Variants in LRMDA observed in about 807,000 individuals in gnomAD.
LRMDA encodes the protein leucine rich melanocyte differentiation associated.
Under a neutral mutation model 29.8 loss-of-function variants are expected in LRMDA, and 18 were observed. The observed-to-expected ratio is 0.60, with a 90% CI of 0.42 to 0.90. LRMDA has a LOEUF of 0.90. LRMDA is among the 40% of genes least tolerant of loss of function. The pLI is 0.00. For synonymous variants in LRMDA, 125 were observed against 109.4 expected, an observed-to-expected ratio of 1.14 and a Z score of -0.89; for missense variants, 273 against 273.9, an observed-to-expected ratio of 1.00 and a Z score of 0.02.
chr10:75,438,497 A>G lies in LRMDA; in HGVS notation c.131+3A>G. 6.5e-7 allele frequency: 1 copy of G among 1,550,080 alleles called. No homozygotes were observed. The highest frequency in any genetic ancestry group is 1.2e-5 in the South Asian group (1 of 84,050). On this transcript the variant is annotated splice_donor_region_variant and intron_variant, in intron 2 of 6. Transcript: ENST00000611255. ...GATCTGAGCTTTAACCTTCTGAGGT[A>G]TGTAACCTTCACAAGATGTAGGCCA...
At chr10:76,039,729 G>A (rs1029864919) in intron 3 of LRMDA, among the ~76,000 whole-genome samples, 4 of 152,208 alleles carry the variant, frequency 2.6e-5, no homozygotes, top group Non-Finnish European at 4.4e-5. Context: ...ACATCTCTAT[G>A]TTTTGGTTTC....
intron 2 of LRMDA, among the ~76,000 whole-genome samples, chr10:75,720,148 A>G (rs1382959731): frequency 6.6e-6 from 1 of 152,228 alleles, no homozygotes; most frequent in East Asian, 1.9e-4. Context: ...TATTGAGTCT[A>G]TGTCTTACAT....
At chr10:76,160,440 A>G (rs1417168088) in intron 5 of LRMDA, among the ~76,000 whole-genome samples, 1 of 152,094 alleles carries the variant, frequency 6.6e-6, no homozygotes, top group Admixed American at 6.6e-5. Flanking sequence ...GTTATATTTA[A>G]AATTTTTTTT....
chr10:76,242,038 T>A (rs1472162542), intron 5 of LRMDA: 1 of 152,238 alleles, frequency 6.6e-6, no homozygotes, highest in Non-Finnish European at 1.5e-5. Context: ...AGAGTATTGT[T>A]ATGTTGCCCA....
chr10:75,536,453 C>T (rs992175551), intron 2 of LRMDA, among the ~76,000 whole-genome samples: 1 of 152,184 alleles, frequency 6.6e-6, no homozygotes, highest in Non-Finnish European at 1.5e-5. Flanking sequence ...ACACAGCTCA[C>T]ATGACTCTAC....
At chr10:76,555,533 A>G (rs1239051212) in intron 6 of LRMDA, among the ~76,000 whole-genome samples, 1 of 152,172 alleles carries the variant, frequency 6.6e-6, no homozygotes, top group Non-Finnish European at 1.5e-5. Context: ...GCCAACTCTG[A>G]TAGACTATTT....
At chr10:76,527,255 T>G (rs576020711) in intron 6 of LRMDA, among the ~76,000 whole-genome samples, 2 of 152,216 alleles carry the variant, frequency 1.3e-5, no homozygotes, top group Admixed American at 6.5e-5. Context: ...AACAGTTGGG[T>G]CTGCCTCTTT....
intron 6 of LRMDA, among the ~76,000 whole-genome samples, chr10:76,539,668 T>C (rs1331729393): frequency 2.0e-5 from 3 of 152,192 alleles, no homozygotes; most frequent in Non-Finnish European, 4.4e-5. Flanking sequence ...CCATCTTTCC[T>C]GACCTCCTTC....
intron 2 of LRMDA, among the ~76,000 whole-genome samples, chr10:75,847,327 TAAC>T (rs1197630464): frequency 6.6e-6 from 1 of 152,226 alleles, no homozygotes; most frequent in Admixed American, 6.5e-5. Context: ...AGTTGGGTCC[TAAC>T]TTCATATTAT....
chr10:76,177,149 C>T (rs570922980), intron 5 of LRMDA, among the ~76,000 whole-genome samples: 3 of 152,284 alleles, frequency 2.0e-5, no homozygotes, highest in African/African-American at 7.2e-5. Flanking sequence ...CATGCAGTGT[C>T]GCCATCCCAG....
At chr10:75,445,413 G>A (rs1300251679) in intron 2 of LRMDA, among the ~76,000 whole-genome samples, 1 of 152,016 alleles carries the variant, frequency 6.6e-6, no homozygotes, top group African/African-American at 2.4e-5. Flanking sequence ...GACAAAATAG[G>A]GCAGCTTTGG....
At chr10:75,629,651 A>G (rs147051747) in intron 2 of LRMDA, among the ~76,000 whole-genome samples, 11 of 152,266 alleles carry the variant, frequency 7.2e-5, no homozygotes, top group African/African-American at 2.2e-4. Context: ...AAGTTCTGAT[A>G]TTACAGTAAT....
chr10:76,380,836 T>C (rs1182712423), intron 6 of LRMDA, among the ~76,000 whole-genome samples: 2 of 151,914 alleles, frequency 1.3e-5, no homozygotes, highest in Non-Finnish European at 2.9e-5. Context: ...GTCCTACTAT[T>C]AATTAATGTT....
intron 2 of LRMDA, among the ~76,000 whole-genome samples, chr10:75,703,419 T>C (rs1431263020): frequency 6.6e-6 from 1 of 152,232 alleles, no homozygotes; most frequent in Non-Finnish European, 1.5e-5. Context: ...GTGTGGGCTG[T>C]AATTAGTGGT....
At chr10:76,554,847 G>C (rs1441486430) in intron 6 of LRMDA, among the ~76,000 whole-genome samples, 6 of 145,418 alleles carry the variant, frequency 4.1e-5, no homozygotes, top group Non-Finnish European at 9.0e-5. Flanking sequence ...GAGTTTACTG[G>C]AGAGAGGGCA....
intron 2 of LRMDA, chr10:75,783,168 C>T: frequency 9.2e-7 from 1 of 1,083,582 alleles, no homozygotes; most frequent in Non-Finnish European, 1.3e-6. Context: ...TTAACATTGT[C>T]AGTGAAGAGT....
intron 5 of LRMDA, among the ~76,000 whole-genome samples, chr10:76,124,559 T>G (rs567571389): frequency 6.6e-6 from 1 of 152,374 alleles, no homozygotes; most frequent in East Asian, 1.9e-4. Flanking sequence ...TATTTGCCTT[T>G]GATAAAAAGA....
chr10:76,540,044 C>T (rs1174740539), intron 6 of LRMDA, among the ~76,000 whole-genome samples: 5 of 152,044 alleles, frequency 3.3e-5, no homozygotes, highest in African/African-American at 9.7e-5. Context: ...AAGATACACA[C>T]ACGAAGTAGA....
chr10:76,558,954 A>C lies in LRMDA; in HGVS notation c.*1666A>C, dbSNP rs1843592243. ...GCATTTATCTCTCAAATCCATTAGT[A>C]ACTGGATTTGAGTACCTTTTCTCTG... On this transcript the variant is annotated 3_prime_UTR_variant, in exon 7 of 7. Coordinates refer to ENST00000611255, the MANE Select transcript of LRMDA (RefSeq NM_001305581.2). 2.0e-5 allele frequency: 3 copies of C among 152,194 alleles called. No individual in the cohort carries two copies. The highest frequency in any genetic ancestry group is 1.3e-4 in the Admixed American group (2 of 15,274). 9.4% of individuals were successfully genotyped at this position (152,194 alleles called of 1,614,324 possible).
Sources: gnomAD v4.1 joint callset for allele counts (sites outside exome capture counted in the v4.1 genomes callset) on GRCh38, gnomAD v4.1.1 for gene constraint, MANE v1.5 for transcripts, NCBI Gene and HGNC (gene_info 2026-07-23, HGNC 2026-07-21) for gene names.